Variants in PHACTR1 observed in about 807,000 individuals in gnomAD.
PHACTR1 encodes the protein RPEL repeat containing 1.
Under a neutral mutation model 69.2 loss-of-function variants are expected in PHACTR1, and 16 were observed. That is an observed-to-expected ratio of 0.23 (90% CI 0.16 to 0.35). PHACTR1 has a LOEUF of 0.35. Among genes scored for constraint, PHACTR1 ranks in the 10% least tolerant of loss-of-function variants. PHACTR1 has a pLI of 1.00. For synonymous variants in PHACTR1, 312 were observed against 284.5 expected (o/e 1.10, Z -0.97); for missense variants, 510 against 734.7 (o/e 0.69, Z 3.54).
chr6:12,960,917 T>C (rs1293260091), intron 4 of PHACTR1, among the ~76,000 whole-genome samples: 1 of 152,228 alleles, frequency 6.6e-6, no homozygotes, highest in Non-Finnish European at 1.5e-5. Flanking sequence ...CATGGGGATT[T>C]AATGCCTCTC....
chr6:12,741,575 C>T (rs1167600290), intron 3 of PHACTR1, among the ~76,000 whole-genome samples: 1 of 152,056 alleles, frequency 6.6e-6, no homozygotes, highest in African/African-American at 2.4e-5. Context: ...AGTGACTGTT[C>T]ATATCTGTTT....
chr6:12,788,634 T>C (rs931062584), intron 4 of PHACTR1, among the ~76,000 whole-genome samples: 1 of 152,212 alleles, frequency 6.6e-6, no homozygotes, highest in Non-Finnish European at 1.5e-5. Flanking sequence ...GTTAATTTAT[T>C]TAAGGATATC....
Position 13,245,431 on chromosome 6 carries a change from G to A in PHACTR1, c.1391+15238G>A, listed in dbSNP as rs1357941556. Among the ~76,000 whole-genome samples, 1 of 152,132 alleles carries A rather than the reference G, an allele frequency of 6.6e-6. No individual in the cohort carries two copies. The highest frequency in any genetic ancestry group is 1.5e-5 in the Non-Finnish European group (1 of 68,008). On this transcript the variant is annotated intron_variant, in intron 10 of 14. Coordinates refer to ENST00000332995, the MANE Select transcript of PHACTR1 (RefSeq NM_030948.6). The surrounding 1 kb of genome is among the most constrained non-coding windows in gnomAD (Gnocchi z 4.1). ...TTTCTCTAATAATTAATGATGTTGAGCATTTTTTCATGTTTGTTGGCCACA... is the reference window on the plus strand; with the variant it reads ...TTTCTCTAATAATTAATGATGTTGAACATTTTTTCATGTTTGTTGGCCACA...
At chr6:13,041,117 C>A (rs1440323525) in intron 4 of PHACTR1, among the ~76,000 whole-genome samples, 8 of 151,982 alleles carry the variant, frequency 5.3e-5, no homozygotes, top group Non-Finnish European at 1.0e-4. Context: ...ATCTTTCATG[C>A]AGAAGAATAA....
intron 4 of PHACTR1, among the ~76,000 whole-genome samples, chr6:12,965,451 C>CATTTTTT (rs60864787): frequency 7.2e-4 from 95 of 131,916 alleles, no homozygotes; most frequent in Non-Finnish European, 8.7e-4. Flanking sequence ...TATTTTGTGC[C>CATTTTTT]TTTTTTTTTT....
intron 7 of PHACTR1, among the ~76,000 whole-genome samples, chr6:13,198,996 G>A (rs1054275413): frequency 6.6e-6 from 1 of 152,116 alleles, no homozygotes; most frequent in South Asian, 2.1e-4. Flanking sequence ...CAGATTCCTG[G>A]GCACCACTGT....
intron 4 of PHACTR1, among the ~76,000 whole-genome samples, chr6:12,824,518 T>C (rs752317114): frequency 2.0e-5 from 3 of 152,144 alleles, no homozygotes; most frequent in Non-Finnish European, 2.9e-5. Flanking sequence ...TAAATCTGCA[T>C]ACTATTAAAG....
intron 4 of PHACTR1, among the ~76,000 whole-genome samples, chr6:13,002,194 A>C (rs1411688599): frequency 6.6e-6 from 1 of 152,196 alleles, no homozygotes; most frequent in Non-Finnish European, 1.5e-5. Context: ...TGTTTCAGCA[A>C]ACAACACTCT....
intron 10 of PHACTR1, among the ~76,000 whole-genome samples, chr6:13,262,046 G>A (rs1775987412): frequency 1.3e-5 from 2 of 152,202 alleles, no homozygotes; most frequent in South Asian, 4.1e-4. Flanking sequence ...AGCACAGAGT[G>A]GTGTGATCAG....
At chr6:13,192,182 T>G (rs1285241021) in intron 7 of PHACTR1, among the ~76,000 whole-genome samples, 5 of 152,190 alleles carry the variant, frequency 3.3e-5, no homozygotes, top group Non-Finnish European at 5.9e-5. Context: ...AGAAAATGTT[T>G]AATAGGAGGA....
chr6:13,273,806 A>G (rs1437625420), intron 11 of PHACTR1: 5 of 152,214 alleles, frequency 3.3e-5, no homozygotes, highest in Non-Finnish European at 7.3e-5. Flanking sequence ...CTACCCCACA[A>G]CACACTTCTA....
At chr6:12,853,853 GA>G (rs1206460665) in intron 4 of PHACTR1, among the ~76,000 whole-genome samples, 1 of 152,222 alleles carries the variant, frequency 6.6e-6, no homozygotes, top group African/African-American at 2.4e-5. Flanking sequence ...TTCAAGATGA[GA>G]TTTGGGTGGG....
At chr6:13,085,735 C>A (rs1196391920) in intron 5 of PHACTR1, among the ~76,000 whole-genome samples, 1 of 151,852 alleles carries the variant, frequency 6.6e-6, no homozygotes, top group Non-Finnish European at 1.5e-5. Context: ...ACAGCCAAAA[C>A]CTATCATAGA....
At chr6:12,940,103 T>C (rs1789913422) in intron 4 of PHACTR1, among the ~76,000 whole-genome samples, 1 of 152,198 alleles carries the variant, frequency 6.6e-6, no homozygotes, top group Non-Finnish European at 1.5e-5. Context: ...ACCCAAACTT[T>C]AAAAATAAAA....
chr6:12,887,416 C>T lies in PHACTR1; in HGVS notation c.250+137626C>T, dbSNP rs543649459. On this transcript the variant is annotated intron_variant, in intron 4 of 14. Transcript: ENST00000332995. Reference sequence around the variant, plus strand: ...TCACATGCCCCTGTTCTTCATTTCCCCAAATCTTACTTGCGAACTGAAAAC... The same window carrying T: ...TCACATGCCCCTGTTCTTCATTTCCTCAAATCTTACTTGCGAACTGAAAAC... Among the ~76,000 whole-genome samples, 10 of 152,274 alleles carry T rather than the reference C, an allele frequency of 6.6e-5. No individual in the cohort carries two copies. In the East Asian group the frequency reaches 1.9e-3, roughly 29 times the overall value.
intron 4 of PHACTR1, among the ~76,000 whole-genome samples, chr6:12,940,715 C>A (rs927452149): frequency 6.6e-6 from 1 of 152,166 alleles, no homozygotes; most frequent in Non-Finnish European, 1.5e-5. Flanking sequence ...TTGATCTTCA[C>A]GTTTAATGAC....
At chr6:13,063,523 C>T (rs1196245296) in intron 5 of PHACTR1, among the ~76,000 whole-genome samples, 4 of 151,792 alleles carry the variant, frequency 2.6e-5, no homozygotes, top group Non-Finnish European at 5.9e-5. Flanking sequence ...CCTGTAATCC[C>T]AGCACTTTGG....
intron 7 of PHACTR1, among the ~76,000 whole-genome samples, chr6:13,189,844 T>C (rs1763281029): frequency 6.6e-6 from 1 of 152,100 alleles, no homozygotes; most frequent in South Asian, 2.1e-4. Context: ...GAATGTAGAT[T>C]GGGTAGTTTA....
chr6:13,175,768 G>C (rs918105622), intron 6 of PHACTR1, among the ~76,000 whole-genome samples: 20 of 152,166 alleles, frequency 1.3e-4, no homozygotes, highest in African/African-American at 4.6e-4. Flanking sequence ...ACCATCTTCT[G>C]TCTCTGAGTT....
Sources: gnomAD v4.1 joint callset for allele counts (sites outside exome capture counted in the v4.1 genomes callset) on GRCh38, gnomAD v4.1.1 for gene constraint, Gnocchi (gnomAD v3.1) non-coding constraint, MANE v1.5 for transcripts, NCBI Gene and HGNC (gene_info 2026-07-23, HGNC 2026-07-21) for gene names.